LZTS3: variants seen among roughly 807,000 people sequenced by gnomAD.
The protein encoded by LZTS3 is leucine zipper tumor suppressor family member 3, also known as leucine zipper putative tumor suppressor 3.
A neutral mutation model predicts 50.9 loss-of-function variants in LZTS3; 16 were observed. The observed-to-expected ratio is 0.31, with a 90% CI of 0.21 to 0.48. The LOEUF (loss-of-function observed/expected upper bound fraction) is 0.48, where lower values mean the gene tolerates loss of function less well. Among genes scored for constraint, LZTS3 ranks in the 20% least tolerant of loss-of-function variants. LZTS3 has a pLI of 0.99. For synonymous variants in LZTS3, 408 were observed against 410.6 expected (o/e 0.99, Z 0.08); for missense variants, 816 against 931.0 (o/e 0.88, Z 1.61).
At chr20:3,170,659 G>T (rs981195283) in intron 1 of LZTS3, among the ~76,000 whole-genome samples, 10 of 151,908 alleles carry the variant, frequency 6.6e-5, no homozygotes, top group Non-Finnish European at 1.2e-4. Context: ...TGGGTGTGGT[G>T]GTGCATGCCT....
At chr20:3,170,413 C>T (rs545209458) in intron 1 of LZTS3, among the ~76,000 whole-genome samples, 1 of 136,974 alleles carries the variant, frequency 7.3e-6, no homozygotes, top group South Asian at 2.3e-4. Flanking sequence ...CACTGGAACC[C>T]GGGAGGCAGA....
At position 3,170,486 on chromosome 20, in the gene LZTS3, C is replaced by CAA. The variant is rs397955055; in HGVS notation, c.-242-2527_-242-2526dup. On this transcript the variant is annotated intron_variant, in intron 1 of 4. Transcript: ENST00000337576. ...CCTGGAAGACAGAGCGAGACTACAT[C>CAA]AAAAAAAAAAAAAAAAAAAACAGGT... Among the ~76,000 whole-genome samples, 503 of 72,530 alleles carry CAA rather than the reference C, an allele frequency of 6.9e-3. 14 individuals are homozygous for CAA. Among genetic ancestry groups the CAA allele is most frequent in the African/African-American group, 0.015 (209 of 13,926 alleles). The allele number at this position is 72,530 out of a possible 152,430, so 47.6% of individuals were successfully genotyped here. A position where few individuals can be genotyped will look rare whatever the true frequency, so the allele number is the denominator to read the frequency against.
Position 3,166,935 on chromosome 20 carries a change from C to A in LZTS3, c.229G>T (p.Gly77Trp), listed in dbSNP as rs1449411130. ...SFPGPRGSGS[G>W]ASRERPGRYP... ...CGGCCCGGCCTCTCCCTGCTGGCCC[C>A]ACTGCCACTGCCTCGGGGGCCAGGG... The change falls in exon 3 of 5, where the codon GGG (glycine) becomes TGG (tryptophan). Residue 77 changes from glycine to tryptophan, a missense_variant. Gly to Trp is a radical substitution (Grantham distance 184). Around this residue, in one of 3 missense-constraint regions of LZTS3, gnomAD observed 700 missense variants for 769.4 expected, o/e 0.91. Coordinates refer to ENST00000337576, the MANE Select transcript of LZTS3 (RefSeq NM_001365618.1). The A allele has an allele frequency of 1.9e-6, 3 of 1,609,186 alleles. No individual in the cohort carries two copies. The highest frequency in any genetic ancestry group is 1.7e-6 in the Non-Finnish European group (2 of 1,179,734).
Position 3,164,270 on chromosome 20 carries a change from C to G in LZTS3, c.*184G>C, listed in dbSNP as rs1029906892. ...CTTTTAGGGGGGTCCAAGTGGGCTG[C>G]CACGGGGGCAGTGCTGGAGCTAGGA... On this transcript the variant is annotated 3_prime_UTR_variant, in exon 5 of 5. Coordinates refer to ENST00000337576, the MANE Select transcript of LZTS3 (RefSeq NM_001365618.1). 1.8e-6 allele frequency: 1 copy of G among 565,544 alleles called. No homozygotes were observed. The highest frequency in any genetic ancestry group is 2.0e-5 in the African/African-American group (1 of 50,694). The allele number at this position is 565,544 out of a possible 1,614,324, so 35.0% of individuals were successfully genotyped here.
Position 3,167,151 on chromosome 20 carries a change from C to T in LZTS3, c.13G>A (p.Glu5Lys). The T allele has an allele frequency of 2.0e-6, 3 of 1,479,898 alleles. No homozygotes were observed. Among genetic ancestry groups the T allele is most frequent in the Non-Finnish European group, 2.7e-6 (3 of 1,120,584 alleles). 91.7% of individuals were successfully genotyped at this position (1,479,898 alleles called of 1,614,324 possible). The change falls in exon 3 of 5, where the codon GAG becomes AAG. Residue 5 changes from glutamate (E) to lysine (K), a missense_variant. Coordinates refer to ENST00000337576, the MANE Select transcript of LZTS3 (RefSeq NM_001365618.1). ...GGGTCAGCGCGCACAGGCAGCGTCT[C>T]CAGCTTCGCCATGACTAAGCCAGGG... MAKL[E>K]TLPVRADPGR... is the part of the protein sequence containing the mutation.
intron 1 of LZTS3, among the ~76,000 whole-genome samples, chr20:3,170,492 A>AAAAAAAAC (rs2066889826): frequency 1.9e-5 from 2 of 106,322 alleles, no homozygotes; most frequent in South Asian, 4.5e-4. Context: ...ACATCAAAAA[A>AAAAAAAAC]AAAAAAAAAA....
chr20:3,164,982 GA>G lies in LZTS3; in HGVS notation c.1493del (p.Phe498SerfsTer24). On this transcript the variant is annotated frameshift_variant, in exon 5 of 5. Transcript: ENST00000337576. LOFTEE classifies it high-confidence loss of function. ...EEQLLSLRDS[F>X]SSKQASLELG... ...GCTCCAGGCTGGCCTGCTTGCTGCTGAAGGAGTCCCGCAGGCTGAGCAGCTG... is the reference window on the plus strand; with the variant it reads ...GCTCCAGGCTGGCCTGCTTGCTGCTGAGGAGTCCCGCAGGCTGAGCAGCTG... 6.4e-7 allele frequency: 1 copy of G among 1,558,594 alleles called. No individual in the cohort carries two copies. Among genetic ancestry groups the G allele is most frequent in the Admixed American group, 1.9e-5 (1 of 52,792 alleles).
At chr20:3,167,462 C>CTCA (rs60904856) in intron 2 of LZTS3, 106 of 1,192,766 alleles carry the variant, frequency 8.9e-5, no homozygotes, top group Admixed American at 1.2e-4. Context: ...CTCAGCTCAG[C>CTCA]GTTCCATTCC....
Position 3,164,672 on chromosome 20 carries a change from G to C in LZTS3, c.1804C>G (p.Arg602Gly). Residue 602 changes from arginine to glycine, a missense_variant, in exon 5 of 5, where the codon CGC becomes GGC. Physicochemically the swap from Arg to Gly is moderately radical, Grantham distance 125. Transcript: ENST00000337576. Reference protein sequence around the residue: ...ERQGASFAEERRVWLEEKEKV... With the variant: ...ERQGASFAEEGRVWLEEKEKV... ...TCCTTCTCCTCCAGCCACACGCGGC[G>C]CTCCTCGGCGAAGCTGGCACCCTGG... is the stretch of plus-strand genomic sequence containing the variant. 4.3e-6 allele frequency: 7 copies of C among 1,610,504 alleles called. No individual in the cohort carries two copies. Among genetic ancestry groups the C allele is most frequent in the Non-Finnish European group, 5.9e-6 (7 of 1,178,598 alleles).
At position 3,164,881 on chromosome 20, in the gene LZTS3, G is replaced by T; in HGVS notation, c.1595C>A (p.Ala532Asp). The change falls in exon 5 of 5, where the codon GCT becomes GAT. Residue 532 changes from alanine (A) to aspartate (D), a missense_variant. Coordinates refer to ENST00000337576, the MANE Select transcript of LZTS3 (RefSeq NM_001365618.1). ...TPVDPAEPQD[A>D]LATCESDEAK... Reference sequence around the variant, plus strand: ...CTCGTCGCTCTCGCAGGTGGCCAGAGCATCCTGTGGCTCGGCCGGGTCCAC... The same window carrying T: ...CTCGTCGCTCTCGCAGGTGGCCAGATCATCCTGTGGCTCGGCCGGGTCCAC... 1.3e-6 allele frequency: 2 copies of T among 1,554,954 alleles called. No homozygotes were observed. Among genetic ancestry groups the T allele is most frequent in the Non-Finnish European group, 8.6e-7 (1 of 1,156,326 alleles).
In LZTS3 at chr20:3,164,887, T is replaced by C. The variant is rs1459188163; in HGVS notation, c.1589A>G (p.Gln530Arg). Residue 530 changes from glutamine to arginine, a missense_variant, in exon 5 of 5, where the codon CAG becomes CGG. Physicochemically the swap from Gln to Arg is conservative, Grantham distance 43 (BLOSUM62 1). Around this residue, in one of 3 missense-constraint regions of LZTS3, gnomAD observed 700 missense variants for 769.4 expected, o/e 0.91. Coordinates refer to ENST00000337576, the MANE Select transcript of LZTS3 (RefSeq NM_001365618.1). Reference protein sequence around the residue: ...ALTPVDPAEPQDALATCESDE... With the variant: ...ALTPVDPAEPRDALATCESDE... ...GCTCTCGCAGGTGGCCAGAGCATCC[T>C]GTGGCTCGGCCGGGTCCACGGGGGT... 1 of 1,553,282 alleles carries C rather than the reference T, an allele frequency of 6.4e-7. No homozygotes were observed. The highest frequency in any genetic ancestry group is 1.2e-5 in the South Asian group (1 of 85,144).
Position 3,173,533 on chromosome 20 carries a change from C to G in LZTS3, c.-321G>C, listed in dbSNP as rs2066924641. 1.3e-5 allele frequency: 2 copies of G among 151,110 alleles called. No homozygotes were observed. Among genetic ancestry groups the G allele is most frequent in the South Asian group, 4.1e-4 (2 of 4,830 alleles). 9.4% of individuals were successfully genotyped at this position (151,110 alleles called of 1,614,324 possible). A position where few individuals can be genotyped will look rare whatever the true frequency, so the allele number is the denominator to read the frequency against. On this transcript the variant is annotated 5_prime_UTR_variant, in exon 1 of 5. Coordinates refer to ENST00000337576, the MANE Select transcript of LZTS3 (RefSeq NM_001365618.1). ...CTTGCTGGCGCAGCCCGAAGCACGCCCGGCGGGGCGCGCTGCGCGGGCCCG... is the reference window on the plus strand; with the variant it reads ...CTTGCTGGCGCAGCCCGAAGCACGCGCGGCGGGGCGCGCTGCGCGGGCCCG...
In LZTS3 at chr20:3,165,469, A is replaced by G; in HGVS notation, c.1323+28T>C. 2.1e-6 allele frequency: 3 copies of G among 1,412,966 alleles called. No individual in the cohort carries two copies. The highest frequency in any genetic ancestry group is 1.5e-5 in the African/African-American group (1 of 68,262). The allele number at this position is 1,412,966 out of a possible 1,614,324, so 87.5% of individuals were successfully genotyped here. A position where few individuals can be genotyped will look rare whatever the true frequency, so the allele number is the denominator to read the frequency against. ...TCCCAGAGGGACAGAAGGGAGGCAGAGGGGAGGCCCAGATCCCCAGCCCGC... is the reference window on the plus strand; with the variant it reads ...TCCCAGAGGGACAGAAGGGAGGCAGGGGGGAGGCCCAGATCCCCAGCCCGC... On this transcript the variant is annotated intron_variant, in intron 4 of 4. Transcript: ENST00000337576. The surrounding 1 kb of genome is among the most constrained non-coding windows in gnomAD (Gnocchi z 5.0).
chr20:3,170,667 C>G (rs11908161), intron 1 of LZTS3, among the ~76,000 whole-genome samples: 2,757 of 151,888 alleles, frequency 0.018, 86 homozygotes, highest in African/African-American at 0.063. Context: ...GTGGTGCATG[C>G]CTGTAATCCC....
At position 3,164,377 on chromosome 20, in the gene LZTS3, G is replaced by A; in HGVS notation, c.*77C>T. ...GGGGTTATGGGGTCTATGGGGAAGAGAGATGGAGGGGAGGGGACACTGGGG... is the reference window on the plus strand; with the variant it reads ...GGGGTTATGGGGTCTATGGGGAAGAAAGATGGAGGGGAGGGGACACTGGGG... On this transcript the variant is annotated 3_prime_UTR_variant, in exon 5 of 5. Transcript: ENST00000337576. The A allele has an allele frequency of 2.1e-6, 3 of 1,426,798 alleles. 1 individual carries two copies. In the South Asian group the frequency reaches 4.3e-5, roughly 21 times the overall value. 88.4% of individuals were successfully genotyped at this position (1,426,798 alleles called of 1,614,324 possible).
chr20:3,166,341 C>G lies in LZTS3; in HGVS notation c.479G>C (p.Arg160Pro), dbSNP rs755795847. 1.2e-6 allele frequency: 2 copies of G among 1,610,314 alleles called. No homozygotes were observed. Among genetic ancestry groups the G allele is most frequent in the Non-Finnish European group, 1.7e-6 (2 of 1,178,052 alleles). Residue 160 changes from arginine to proline, a missense_variant, in exon 4 of 5, where the codon CGG becomes CCG. Around this residue, in one of 3 missense-constraint regions of LZTS3, gnomAD observed 700 missense variants for 769.4 expected, o/e 0.91. Coordinates refer to ENST00000337576, the MANE Select transcript of LZTS3 (RefSeq NM_001365618.1). ...KLDQCSEPLV[R>P]PSAFKPVVPK... ...TACGACAGGCTTGAAGGCCGACGGC[C>G]GAACTAGTGGTTCTGAGCACTGCAG...
At chr20:3,166,582 C>T in intron 3 of LZTS3, 123 bp downstream of exon 3, 1 of 1,312,572 alleles carries the variant, frequency 7.6e-7, no homozygotes, top group Non-Finnish European at 1.0e-6. Flanking sequence ...CCATGACTCC[C>T]CAGCCCAGCC....
In LZTS3 at chr20:3,166,305, A is replaced by T. The variant is rs771057377; in HGVS notation, c.515T>A (p.Phe172Tyr). The T allele has an allele frequency of 1.4e-5, 22 of 1,614,024 alleles. No homozygotes were observed. Among genetic ancestry groups the T allele is most frequent in the Non-Finnish European group, 1.8e-5 (21 of 1,179,982 alleles). The change falls in exon 4 of 5, where the codon TTC becomes TAC. Residue 172 changes from phenylalanine (F) to tyrosine (Y), a missense_variant. Transcript: ENST00000337576. ...GGGGCACAAATTCTGCATGGAGTGG[A>T]AATTCTTGGGTACGACAGGCTTGAA... ...SAFKPVVPKN[F>Y]HSMQNLCPPQ...
At chr20:3,171,279 C>CTCGAG (rs1269028157) in intron 1 of LZTS3, among the ~76,000 whole-genome samples, 5 of 152,102 alleles carry the variant, frequency 3.3e-5, no homozygotes, top group Non-Finnish European at 4.4e-5. Flanking sequence ...TCTCAGATGC[C>CTCGAG]TCGAGTCGTG....
Sources: allele counts gnomAD v4.1 joint callset (sites outside exome capture counted in the v4.1 genomes callset), GRCh38; gene constraint gnomAD v4.1.1; regional missense constraint gnomAD v4.1.1; non-coding constraint Gnocchi (gnomAD v3.1); transcripts MANE v1.5; gene names NCBI Gene and HGNC (gene_info 2026-07-23, HGNC 2026-07-21).